ROBO1: variants seen among roughly 807,000 people sequenced by gnomAD.
The protein encoded by ROBO1 is roundabout guidance receptor 1.
A neutral mutation model predicts 195.9 loss-of-function variants in ROBO1; 149 were observed. That is an observed-to-expected ratio of 0.76 (90% CI 0.67 to 0.87). The LOEUF is 0.87. Among genes scored for constraint, ROBO1 ranks in the 40% least tolerant of loss-of-function variants. ROBO1 has a pLI of 0.00. For missense variants in ROBO1, 1,933 were observed against 2,068.3 expected (o/e 0.93, Z 1.27); for synonymous variants, 816 against 733.2 (o/e 1.11, Z -1.82).
In ROBO1 at chr3:79,503,529, G is replaced by A. The variant is rs76439956; in HGVS notation, c.88+86295C>T. ...AAACTCTTAGGGAAATTGATGTTGT[G>A]CACCCTTGGGTAAGTCACTTTAATG... is the stretch of plus-strand genomic sequence containing the variant. On this transcript the variant is annotated intron_variant, in intron 2 of 30. Coordinates refer to ENST00000464233, the MANE Select transcript of ROBO1 (RefSeq NM_002941.4). 2.0e-3 allele frequency among the ~76,000 whole-genome samples: 310 copies of A among 152,250 alleles called. 2 individuals are homozygous for A. Among genetic ancestry groups the A allele is most frequent in the African/African-American group, 6.2e-3 (257 of 41,560 alleles).
chr3:78,716,224 G>A (rs1046008177), intron 7 of ROBO1, among the ~76,000 whole-genome samples: 1 of 152,008 alleles, frequency 6.6e-6, no homozygotes, highest in Non-Finnish European at 1.5e-5. Context: ...AAAAGAGCTT[G>A]TATATTAGTC....
At chr3:79,052,472 C>T (rs2078719793) in intron 3 of ROBO1, among the ~76,000 whole-genome samples, 1 of 151,976 alleles carries the variant, frequency 6.6e-6, no homozygotes, top group Non-Finnish European at 1.5e-5. Context: ...GCCTCTCTGC[C>T]CGTGTGATAT....
intron 4 of ROBO1, among the ~76,000 whole-genome samples, chr3:78,935,769 A>G (rs1010262049): frequency 6.6e-6 from 1 of 152,088 alleles, no homozygotes; most frequent in Non-Finnish European, 1.5e-5. Context: ...TTGCAAAGAA[A>G]AATAATCAAT....
At chr3:78,903,767 C>A (rs1397971566) in intron 4 of ROBO1, among the ~76,000 whole-genome samples, 2 of 152,000 alleles carry the variant, frequency 1.3e-5, no homozygotes, top group Non-Finnish European at 2.9e-5. Context: ...CAAATAAACC[C>A]AATTCCATTC....
intron 1 of ROBO1, among the ~76,000 whole-genome samples, chr3:79,615,630 A>T (rs566246683): frequency 6.6e-6 from 1 of 152,292 alleles, no homozygotes; most frequent in Admixed American, 6.5e-5. Context: ...ATGAGGATTC[A>T]CACTACCTGA....
rs114633251 is a variant in ROBO1, at chr3:79,678,173, G to A, written c.-50-88212C>T. ...TTACTGGTCATTAAAGAATGGATGG[G>A]TAACTTTTCTAAACCTTTAGTTTCC... On this transcript the variant is annotated intron_variant, in intron 1 of 30. Transcript: ENST00000464233. Among the ~76,000 whole-genome samples the A allele has an allele frequency of 2.8e-3, 425 of 152,010 alleles. 1 individual carries two copies. Among genetic ancestry groups the A allele is most frequent in the Admixed American group, 6.8e-3 (104 of 15,238 alleles).
chr3:79,007,877 T>C (rs1196781340), intron 3 of ROBO1, among the ~76,000 whole-genome samples: 2 of 152,210 alleles, frequency 1.3e-5, no homozygotes, highest in African/African-American at 4.8e-5. Context: ...TTTTCTACTT[T>C]GTTGCCTGGT....
intron 3 of ROBO1, among the ~76,000 whole-genome samples, chr3:78,977,144 C>G (rs2107958940): frequency 6.6e-6 from 1 of 152,274 alleles, no homozygotes; most frequent in African/African-American, 2.4e-5. Context: ...TTCCAATTTT[C>G]TACAGATTAA....
intron 29 of ROBO1, 33 bp downstream of exon 29, chr3:78,606,700 C>A (rs777486491): frequency 6.3e-7 from 1 of 1,598,632 alleles, no homozygotes. Flanking sequence ...CACACTCAAT[C>A]TGTATTTATT....
chr3:79,491,782 C>CT lies in ROBO1; in HGVS notation c.88+98041dup, dbSNP rs35967088. On this transcript the variant is annotated intron_variant, in intron 2 of 30. Coordinates refer to ENST00000464233, the MANE Select transcript of ROBO1 (RefSeq NM_002941.4). The stretch of plus-strand genomic sequence containing the variant: ...TTTCTTAGAAAATGATTTAATCTGA[C>CT]TTTTTTTTTTTTTTTAATTTTGTGG... Among the ~76,000 whole-genome samples, 173 of 142,732 alleles carry CT rather than the reference C, an allele frequency of 1.2e-3. 1 individual carries two copies. Among genetic ancestry groups the CT allele is most frequent in the Admixed American group, 2.5e-3 (36 of 14,196 alleles). 93.6% of individuals were successfully genotyped at this position (142,732 alleles called of 152,430 possible).
intron 2 of ROBO1, among the ~76,000 whole-genome samples, chr3:79,511,334 A>G (rs1940693181): frequency 6.6e-6 from 1 of 152,210 alleles, no homozygotes; most frequent in African/African-American, 2.4e-5. Context: ...TATTTTTCAG[A>G]TTAAATAAGA....
intron 2 of ROBO1, among the ~76,000 whole-genome samples, chr3:79,433,068 G>A (rs1575819087): frequency 2.0e-5 from 3 of 152,180 alleles, no homozygotes; most frequent in Non-Finnish European, 1.5e-5. Context: ...GTGTGGGTAT[G>A]TTACATAGTT....
At chr3:79,123,060 T>C (rs1484595315) in intron 3 of ROBO1, among the ~76,000 whole-genome samples, 1 of 152,058 alleles carries the variant, frequency 6.6e-6, no homozygotes, top group Admixed American at 6.6e-5. Flanking sequence ...AACTAACTCA[T>C]ATCAATGACT....
intron 2 of ROBO1, among the ~76,000 whole-genome samples, chr3:79,234,811 T>C (rs1452197919): frequency 6.6e-6 from 1 of 152,066 alleles, no homozygotes; most frequent in Non-Finnish European, 1.5e-5. Flanking sequence ...TAGACACTGA[T>C]GATTCCTAGA....
At chr3:79,390,923 A>C (rs958618241) in intron 2 of ROBO1, among the ~76,000 whole-genome samples, 1 of 152,114 alleles carries the variant, frequency 6.6e-6, no homozygotes, top group East Asian at 1.9e-4. Flanking sequence ...GATATGTTTA[A>C]GAATGGAGAT....
intron 19 of ROBO1, among the ~76,000 whole-genome samples, chr3:78,650,567 T>A (rs987880360): frequency 5.9e-5 from 9 of 152,200 alleles, no homozygotes; most frequent in African/African-American, 1.9e-4. Context: ...CTAGCTAACA[T>A]GAAAAATTCT....
chr3:78,634,048 C>A lies in ROBO1; in HGVS notation c.3374-6G>T. The A allele has an allele frequency of 6.4e-7, 1 of 1,561,394 alleles. No individual in the cohort carries two copies. The highest frequency in any genetic ancestry group is 8.8e-7 in the Non-Finnish European group (1 of 1,137,956). On this transcript the variant is annotated splice_region_variant and splice_polypyrimidine_tract_variant and intron_variant, in intron 23 of 30. Transcript: ENST00000464233. ...TGTGTCATTTGCTCGATAATCTAGA[C>A]ATATCAGATGAAAAAACAATAAACA...
At chr3:79,214,462 T>C (rs1014535899) in intron 2 of ROBO1, among the ~76,000 whole-genome samples, 2 of 152,092 alleles carry the variant, frequency 1.3e-5, no homozygotes, top group Middle Eastern at 3.2e-3. Flanking sequence ...TTTAACCTCC[T>C]TGTAATTACC....
At chr3:79,075,992 A>C (rs977342724) in intron 3 of ROBO1, among the ~76,000 whole-genome samples, 27 of 151,524 alleles carry the variant, frequency 1.8e-4, no homozygotes, top group Admixed American at 4.0e-4. Context: ...TTGAAATCAG[A>C]TGGCCACAAG....
Sources: allele counts gnomAD v4.1 joint callset (sites outside exome capture counted in the v4.1 genomes callset), GRCh38; gene constraint gnomAD v4.1.1; transcripts MANE v1.5; gene names NCBI Gene and HGNC (gene_info 2026-07-23, HGNC 2026-07-21).